The following GTPBP1 variants were observed in gnomAD, a reference collection of about 807,000 sequenced individuals.
GTPBP1 encodes GTP binding protein 1.
A neutral mutation model predicts 62.0 loss-of-function variants in GTPBP1; 23 were observed. The ratio of observed to expected loss-of-function variants is 0.37; its 90% CI spans 0.27 to 0.53. GTPBP1 has a LOEUF of 0.53. GTPBP1 is among the 20% of genes least tolerant of loss of function. The probability of loss-of-function intolerance (pLI) is 0.89; values close to 1 mark genes in which losing one functional copy is unlikely to be tolerated. For synonymous variants in GTPBP1, 344 were observed against 364.4 expected, an observed-to-expected ratio of 0.94 and a Z score of 0.64; for missense variants, 640 against 917.3, an observed-to-expected ratio of 0.70 and a Z score of 3.90.
chr22:38,741,047 A>T, downstream of GTPBP1: 1 of 1,596,526 alleles, frequency 6.3e-7, no homozygotes, highest in Admixed American at 1.7e-5. Flanking sequence ...CGAGCCTCGG[A>T]CTCCTGTGTA....
Position 38,727,674 on chromosome 22 carries a change from TC to T in GTPBP1, c.1538-305del, listed in dbSNP as rs1038734320. Among the ~76,000 whole-genome samples, 2 of 152,098 alleles carry T rather than the reference TC, an allele frequency of 1.3e-5. No homozygotes were observed. Among genetic ancestry groups the T allele is most frequent in the African/African-American group, 4.8e-5 (2 of 41,418 alleles). The stretch of plus-strand genomic sequence containing the variant: ...GATGAAGTAGATGGGCAAGGATCCT[TC>T]CCCGCAGAAGCCCACAGTCCAGCGA... On this transcript the variant is annotated intron_variant, in intron 9 of 11. Transcript: ENST00000216044. This position sits in a 1 kb window ranked among gnomAD's most constrained non-coding sequence, Gnocchi z 6.5.
chr22:38,726,288 C>A lies in GTPBP1; in HGVS notation c.1249C>A (p.Leu417Met), dbSNP rs148426260. The A allele has an allele frequency of 6.2e-7, 1 of 1,613,998 alleles. No homozygotes were observed. The highest frequency in any genetic ancestry group is 8.5e-7 in the Non-Finnish European group (1 of 1,180,010). Reference sequence around the variant, plus strand: ...GGGGACAGTGGTTTCGGGGACAACACTGAGAGGCCTGATCAAGCTGAATGA... The same window carrying A: ...GGGGACAGTGGTTTCGGGGACAACAATGAGAGGCCTGATCAAGCTGAATGA... Reference protein sequence around the residue: ...GVGTVVSGTTLRGLIKLNDTL... With the variant: ...GVGTVVSGTTMRGLIKLNDTL... The change falls in exon 8 of 12, where the codon CTG becomes ATG. Residue 417 changes from leucine (L) to methionine (M), a missense_variant. Leu to Met is a conservative substitution (Grantham distance 15). Coordinates refer to ENST00000216044, the MANE Select transcript of GTPBP1 (RefSeq NM_004286.5). This position sits in a 1 kb window ranked among gnomAD's most constrained non-coding sequence, Gnocchi z 4.1.
downstream of GTPBP1, chr22:38,736,469 G>A: frequency 1.9e-6 from 2 of 1,063,558 alleles, no homozygotes; most frequent in East Asian, 2.7e-5. Context: ...GCCTCGCCTA[G>A]GGCCAGATGG....
intron 4 of GTPBP1, among the ~76,000 whole-genome samples, chr22:38,718,458 T>C (rs2092682488): frequency 6.6e-6 from 1 of 152,166 alleles, no homozygotes; most frequent in Non-Finnish European, 1.5e-5. Flanking sequence ...ATTTGACTTC[T>C]AGGAAAAAAT....
intron 4 of GTPBP1, among the ~76,000 whole-genome samples, chr22:38,718,396 A>G (rs1176225704): frequency 6.6e-6 from 1 of 152,214 alleles, no homozygotes; most frequent in Middle Eastern, 3.2e-3. Context: ...TGTGATCCAA[A>G]TGTTAACCTT....
Position 38,716,153 on chromosome 22 carries a change from C to T in GTPBP1, c.485+66C>T, listed in dbSNP as rs1018189494. On this transcript the variant is annotated intron_variant, in intron 3 of 11. Coordinates refer to ENST00000216044, the MANE Select transcript of GTPBP1 (RefSeq NM_004286.5). This position sits in a 1 kb window ranked among gnomAD's most constrained non-coding sequence, Gnocchi z 5.2. ...CAGAGGTTGGTGACTGAGCCTGTGG[C>T]ACTTGGCGTGTCAGCTCCATCCTTT... 10 of 1,310,348 alleles carry T rather than the reference C, an allele frequency of 7.6e-6. No individual in the cohort carries two copies. The highest frequency in any genetic ancestry group is 1.3e-5 in the South Asian group (1 of 79,008). The allele number at this position is 1,310,348 out of a possible 1,614,324, so 81.2% of individuals were successfully genotyped here.
intron 5 of GTPBP1, 44 bp from the exon 6 acceptor site, chr22:38,724,253 A>C: frequency 8.6e-7 from 1 of 1,159,820 alleles, no homozygotes. Flanking sequence ...CTGGCCAAAG[A>C]GAAGGCTGTG....
downstream of GTPBP1, chr22:38,735,327 G>A (rs41274547): frequency 1.8e-3 from 798 of 435,828 alleles, 2 homozygotes; most frequent in Non-Finnish European, 3.1e-3. Context: ...TGTGGGGGCC[G>A]GTGCAGACAG....
At chr22:38,735,602 C>G (rs917443722), downstream of GTPBP1, 1 of 187,702 alleles carries the variant, frequency 5.3e-6, no homozygotes, top group Non-Finnish European at 1.1e-5. Context: ...GGCCCTGGGC[C>G]CCTTAGAAGA....
At chr22:38,736,315 C>T, downstream of GTPBP1, 1 of 1,614,018 alleles carries the variant, frequency 6.2e-7, no homozygotes, top group Middle Eastern at 1.7e-4. Flanking sequence ...TGCAGGTGTA[C>T]TCGGGGTGGC....
chr22:38,721,676 C>T, intron 4 of GTPBP1, 66 bp from the exon 5 acceptor site: 1 of 1,517,382 alleles, frequency 6.6e-7, no homozygotes. Flanking sequence ...CTTTTGAGCC[C>T]CTGTGTCCAC....
chr22:38,715,725 A>G (rs1275788035), intron 2 of GTPBP1, among the ~76,000 whole-genome samples, 182 bp from the exon 3 acceptor site: 2 of 152,112 alleles, frequency 1.3e-5, no homozygotes, highest in African/African-American at 4.8e-5. Flanking sequence ...GGTCTGTGGC[A>G]CTGTCATGTT....
Position 38,727,605 on chromosome 22 carries a change from C to T in GTPBP1, c.1537+257C>T, listed in dbSNP as rs138040470. ...CAATCCTTCAGCAAGGTCTGCTGAACGCTGCTATGTGCCCAGCGGTGTTGC... is the reference window on the plus strand; with the variant it reads ...CAATCCTTCAGCAAGGTCTGCTGAATGCTGCTATGTGCCCAGCGGTGTTGC... On this transcript the variant is annotated intron_variant, in intron 9 of 11. Coordinates refer to ENST00000216044, the MANE Select transcript of GTPBP1 (RefSeq NM_004286.5). This position sits in a 1 kb window ranked among gnomAD's most constrained non-coding sequence, Gnocchi z 6.5. Among the ~76,000 whole-genome samples the T allele has an allele frequency of 1.6e-4, 25 of 152,294 alleles. No homozygotes were observed. Among genetic ancestry groups the T allele is most frequent in the East Asian group, 5.8e-4 (3 of 5,178 alleles).
downstream of GTPBP1, among the ~76,000 whole-genome samples, chr22:38,733,829 G>A (rs149349497): frequency 3.5e-3 from 535 of 152,358 alleles, 2 homozygotes; most frequent in African/African-American, 0.013. Context: ...GGGCTGTGCT[G>A]TGAGGGCCCA....
chr22:38,739,064 G>A (rs747050950), downstream of GTPBP1: 50 of 1,408,336 alleles, frequency 3.6e-5, no homozygotes, highest in Non-Finnish European at 4.8e-5. The surrounding 1 kb of genome is among the most constrained non-coding windows in gnomAD (Gnocchi z 6.7). Context: ...CTGTCTCCTC[G>A]CTGAAGGTGG....
Position 38,729,570 on chromosome 22 carries a change from G to T in GTPBP1, c.1825G>T (p.Gly609Cys), listed in dbSNP as rs1299271496. The T allele has an allele frequency of 1.9e-6, 3 of 1,597,090 alleles. No individual in the cohort carries two copies. The highest frequency in any genetic ancestry group is 4.6e-5 in the East Asian group (2 of 43,874). The change falls in exon 11 of 12, where the codon GGT (glycine) becomes TGT (cysteine). Residue 609 changes from glycine (G) to cysteine (C), a missense_variant. Gly to Cys is a radical substitution (Grantham distance 159). Transcript: ENST00000216044. ...GAAACGAGACGAGGGGGGCCCGTCT[G>T]GTGGGCCAGCAGTAGGAGCACCCCC... Reference protein sequence around the residue: ...LTKRDEGGPSGGPAVGAPPPG... With the variant: ...LTKRDEGGPSCGPAVGAPPPG...
chr22:38,717,008 G>C lies in GTPBP1; in HGVS notation c.834+8G>C. The C allele has an allele frequency of 6.3e-7, 1 of 1,576,558 alleles. No homozygotes were observed. Among genetic ancestry groups the C allele is most frequent in the Non-Finnish European group, 8.7e-7 (1 of 1,148,294 alleles). On this transcript the variant is annotated splice_region_variant and intron_variant, in intron 4 of 11. Transcript: ENST00000216044. ...GACTTCTGCATGCTCATGGTGAGTGGGAGGCGCCCCAAGGAGGGGAGGCGT... is the reference window on the plus strand; with the variant it reads ...GACTTCTGCATGCTCATGGTGAGTGCGAGGCGCCCCAAGGAGGGGAGGCGT...
At position 38,720,345 on chromosome 22, in the gene GTPBP1, G is replaced by C. The variant is rs531383059; in HGVS notation, c.835-1397G>C. Among the ~76,000 whole-genome samples, 406 of 151,526 alleles carry C rather than the reference G, an allele frequency of 2.7e-3. 1 individual carries two copies. Among genetic ancestry groups the C allele is most frequent in the Middle Eastern group, 0.02 (6 of 294 alleles). On this transcript the variant is annotated intron_variant, in intron 4 of 11. Transcript: ENST00000216044. ...AGCGATTCTCCTGCCTCAGCCTCCT[G>C]AGTAGCTGGGATTACAGGCAACTGC...
chr22:38,718,492 C>T (rs1228877727), intron 4 of GTPBP1, among the ~76,000 whole-genome samples: 3 of 152,230 alleles, frequency 2.0e-5, no homozygotes, highest in Non-Finnish European at 4.4e-5. Flanking sequence ...AGAAAACAGC[C>T]GTAGAGCACT....
Sources: allele counts gnomAD v4.1 joint callset (sites outside exome capture counted in the v4.1 genomes callset), GRCh38; gene constraint gnomAD v4.1.1; non-coding constraint Gnocchi (gnomAD v3.1); transcripts MANE v1.5; gene names NCBI Gene and HGNC (gene_info 2026-07-23, HGNC 2026-07-21).